The following DYNC2H1 variants were observed in gnomAD, a reference collection of about 807,000 sequenced individuals.
DYNC2H1 encodes cytoplasmic dynein 2 heavy chain 1.
Under a neutral mutation model 570.0 loss-of-function variants are expected in DYNC2H1, and 410 were observed. The observed-to-expected ratio is 0.72, with a 90% CI of 0.66 to 0.78. The LOEUF (loss-of-function observed/expected upper bound fraction) is 0.78. DYNC2H1 is among the 30% of genes least tolerant of loss of function. The pLI, the probability that DYNC2H1 is intolerant of heterozygous loss-of-function variation, is 0.00. For missense variants in DYNC2H1, 4,865 were observed against 5,046.4 expected, an observed-to-expected ratio of 0.96 and a Z score of 1.09; for synonymous variants, 1,688 against 1,677.6, an observed-to-expected ratio of 1.01 and a Z score of -0.15.
At chr11:103,357,220 TTAAG>T (rs1474450183) in intron 82 of DYNC2H1, among the ~76,000 whole-genome samples, 2 of 152,156 alleles carry the variant, frequency 1.3e-5, no homozygotes, top group East Asian at 1.9e-4. Context: ...ATGGGAATCA[TTAAG>T]TATTATTTTA....
chr11:103,240,265 GT>G (rs1274454508), intron 63 of DYNC2H1, among the ~76,000 whole-genome samples: 9 of 152,040 alleles, frequency 5.9e-5, no homozygotes, highest in African/African-American at 2.2e-4. Context: ...CATTATTAGA[GT>G]TTATGTTTCC....
chr11:103,218,213 A>G (rs1863456687), intron 55 of DYNC2H1, among the ~76,000 whole-genome samples: 1 of 152,202 alleles, frequency 6.6e-6, no homozygotes, highest in South Asian at 2.1e-4. Context: ...TCCCACTTTC[A>G]GATTTTTAGC....
chr11:103,165,102 TA>T (rs2134939770), intron 30 of DYNC2H1, among the ~76,000 whole-genome samples: 1 of 152,290 alleles, frequency 6.6e-6, no homozygotes, highest in South Asian at 2.1e-4. Context: ...TTCTTTTCCA[TA>T]AAAGAACCAT....
In DYNC2H1 at chr11:103,280,917, T is replaced by C. The variant is rs1477192131; in HGVS notation, c.10761+504T>C. 6.6e-6 allele frequency among the ~76,000 whole-genome samples: 1 copy of C among 152,078 alleles called. No homozygotes were observed. The highest frequency in any genetic ancestry group is 6.6e-5 in the Admixed American group (1 of 15,246). Reference sequence around the variant, plus strand: ...TTATGATCTCATTTCTAGTCTGCCATGTAACCCCTTCTCAAACTTTAAAAG... The same window carrying C: ...TTATGATCTCATTTCTAGTCTGCCACGTAACCCCTTCTCAAACTTTAAAAG... On this transcript the variant is annotated intron_variant, in intron 71 of 88. Coordinates refer to ENST00000375735, the MANE Select transcript of DYNC2H1 (RefSeq NM_001377.3). The surrounding 1 kb of genome is among the most constrained non-coding windows in gnomAD (Gnocchi z 4.7).
intron 83 of DYNC2H1, among the ~76,000 whole-genome samples, chr11:103,398,510 A>G (rs1404270984): frequency 6.6e-6 from 1 of 152,198 alleles, no homozygotes; most frequent in Non-Finnish European, 1.5e-5. Context: ...ATTACTTACT[A>G]TGCTAAATAG....
chr11:103,189,540 CT>C lies in DYNC2H1; in HGVS notation c.7293-131del. On this transcript the variant is annotated intron_variant, in intron 44 of 88. Transcript: ENST00000375735. This position sits in a 1 kb window ranked among gnomAD's most constrained non-coding sequence, Gnocchi z 4.3. ...GGGCGATGAGCCTAGTCTTAGCCCC[CT>C]GGGTAAGCTTTGGAGATATGTAGGT... 2.4e-6 allele frequency: 2 copies of C among 832,566 alleles called. No individual in the cohort carries two copies. Among genetic ancestry groups the C allele is most frequent in the South Asian group, 1.9e-5 (1 of 52,570 alleles). The allele number at this position is 832,566 out of a possible 1,614,324, so 51.6% of individuals were successfully genotyped here.
intron 54 of DYNC2H1, among the ~76,000 whole-genome samples, chr11:103,212,964 T>G (rs1399585731): frequency 6.6e-6 from 1 of 152,164 alleles, no homozygotes; most frequent in African/African-American, 2.4e-5. Context: ...TACCTGTACT[T>G]TATGATGGGT....
intron 84 of DYNC2H1, among the ~76,000 whole-genome samples, chr11:103,430,449 C>T (rs1318472135): frequency 6.6e-6 from 1 of 152,038 alleles, no homozygotes; most frequent in Non-Finnish European, 1.5e-5. Context: ...CATGGTTCTT[C>T]ATTGACTCAC....
chr11:103,119,887 T>A (rs921162998), intron 6 of DYNC2H1, among the ~76,000 whole-genome samples: 2 of 152,248 alleles, frequency 1.3e-5, no homozygotes, highest in Non-Finnish European at 2.9e-5. Context: ...ATCATGAGTT[T>A]ATACTGAGAT....
At chr11:103,422,191 C>T (rs1310206655) in intron 84 of DYNC2H1, among the ~76,000 whole-genome samples, 1 of 152,054 alleles carries the variant, frequency 6.6e-6, no homozygotes, top group Non-Finnish European at 1.5e-5. Context: ...GAAATTGAGG[C>T]TGTAATAAGT....
At chr11:103,410,233 C>T (rs539543673) in intron 84 of DYNC2H1, among the ~76,000 whole-genome samples, 3 of 152,108 alleles carry the variant, frequency 2.0e-5, no homozygotes, top group African/African-American at 7.2e-5. Context: ...TGTGTGTGTG[C>T]TTCATGGCCT....
At position 103,179,249 on chromosome 11, in the gene DYNC2H1, T is replaced by G; in HGVS notation, c.6347+16T>G. On this transcript the variant is annotated intron_variant, in intron 39 of 88. Coordinates refer to ENST00000375735, the MANE Select transcript of DYNC2H1 (RefSeq NM_001377.3). The stretch of plus-strand genomic sequence containing the variant: ...TCTTTCTTAGGTAAGCCATAGATTA[T>G]TTATATACAGTATATTAGAATATTC... 1 of 1,608,300 alleles carries G rather than the reference T, an allele frequency of 6.2e-7. No individual in the cohort carries two copies. Among genetic ancestry groups the G allele is most frequent in the Non-Finnish European group, 8.5e-7 (1 of 1,175,618 alleles).
chr11:103,156,718 G>A lies in DYNC2H1; in HGVS notation c.4075G>A (p.Gly1359Arg). 6.2e-7 allele frequency: 1 copy of A among 1,613,310 alleles called. No individual in the cohort carries two copies. Among genetic ancestry groups the A allele is most frequent in the Non-Finnish European group, 8.5e-7 (1 of 1,179,652 alleles). Residue 1359 changes from glycine to arginine, a missense_variant, in exon 26 of 89, where the codon GGA becomes AGA. Gly to Arg is a moderately radical substitution (Grantham distance 125, BLOSUM62 -2). Coordinates refer to ENST00000375735, the MANE Select transcript of DYNC2H1 (RefSeq NM_001377.3). ...GTATTTGGAACCCATTTTCGGCCGT[G>A]GAGCATTGCCAAAAGAACAGACACG... is the stretch of plus-strand genomic sequence containing the variant. ...WVYLEPIFGR[G>R]ALPKEQTRFN...
chr11:103,374,483 T>C (rs1941308918), intron 83 of DYNC2H1, among the ~76,000 whole-genome samples: 1 of 152,142 alleles, frequency 6.6e-6, no homozygotes, highest in African/African-American at 2.4e-5. Context: ...ACTTTGAAAC[T>C]GGGTAATGGG....
At chr11:103,354,408 G>T (rs1031398771) in intron 82 of DYNC2H1, among the ~76,000 whole-genome samples, 8 of 151,858 alleles carry the variant, frequency 5.3e-5, no homozygotes, top group Non-Finnish European at 7.4e-5. Flanking sequence ...ATACAATACG[G>T]TGATTTAGAA....
chr11:103,365,621 A>G (rs1317023592), intron 83 of DYNC2H1, among the ~76,000 whole-genome samples: 1 of 152,182 alleles, frequency 6.6e-6, no homozygotes. Context: ...TAACCTTCAA[A>G]CTTGTTGAAT....
Position 103,323,897 on chromosome 11 carries a change from T to G in DYNC2H1, c.11946T>G (p.Ala3982=). 1.2e-6 allele frequency: 2 copies of G among 1,612,412 alleles called. No homozygotes were observed. The highest frequency in any genetic ancestry group is 2.2e-5 in the South Asian group (2 of 90,840). Residue 3982 remains alanine, a synonymous_variant, in exon 82 of 89, where the codon GCT becomes GCG. Transcript: ENST00000375735. ...TTCTTTATATTTAGGACTATCGTGC[T>G]GTCATTGAGAAAATTCCAGAGGACG... is the stretch of plus-strand genomic sequence containing the variant. ...PQSCSILDYR[A]VIEKIPEDDK...
Position 103,287,552 on chromosome 11 carries a change from T to C in DYNC2H1, c.11042T>C (p.Leu3681Pro), listed in dbSNP as rs1866399081. 6.2e-7 allele frequency: 1 copy of C among 1,611,114 alleles called. No individual in the cohort carries two copies. Among genetic ancestry groups the C allele is most frequent in the African/African-American group, 1.3e-5 (1 of 75,004 alleles). The change falls in exon 75 of 89, where the codon CTA (leucine) becomes CCA (proline). Residue 3681 changes from leucine to proline, a missense_variant. Leu to Pro is a moderately conservative substitution (Grantham distance 98). This residue lies in a region of DYNC2H1 where 2,401 missense variants were observed against 2,454.6 expected (regional missense o/e 0.98). Coordinates refer to ENST00000375735, the MANE Select transcript of DYNC2H1 (RefSeq NM_001377.3). ...LFQQILVVQALRPDRLQSAMA... is the reference protein window; with the variant it reads ...LFQQILVVQAPRPDRLQSAMA... ...TTTAAGATTCTTGTAGTACAGGCGC[T>C]AAGACCGGACAGATTGCAAAGTGCC...
At chr11:103,202,738 A>C (rs144565158) in intron 50 of DYNC2H1, among the ~76,000 whole-genome samples, 7 of 152,262 alleles carry the variant, frequency 4.6e-5, no homozygotes, top group African/African-American at 1.7e-4. Flanking sequence ...TTTTCACTTA[A>C]TGTTATAGTT....
Sources: gnomAD v4.1 joint callset for allele counts (sites outside exome capture counted in the v4.1 genomes callset) on GRCh38, gnomAD v4.1.1 for gene constraint, gnomAD v4.1.1 regional missense constraint, Gnocchi (gnomAD v3.1) non-coding constraint, MANE v1.5 for transcripts, NCBI Gene and HGNC (gene_info 2026-07-23, HGNC 2026-07-21) for gene names.